Variants in ARRDC3 observed in about 807,000 individuals in gnomAD.
The protein encoded by ARRDC3 is arrestin domain containing 3.
In ARRDC3, 10 loss-of-function variants were observed where a neutral mutation model predicts 47.2. That is an observed-to-expected ratio of 0.21 (90% CI 0.13 to 0.36). The LOEUF (loss-of-function observed/expected upper bound fraction) is 0.36. Among genes scored for constraint, ARRDC3 ranks in the 10% least tolerant of loss-of-function variants. ARRDC3 has a pLI of 1.00. For synonymous variants in ARRDC3, 156 were observed against 178.3 expected (o/e 0.87, Z 1.00); for missense variants, 381 against 503.6 (o/e 0.76, Z 2.33).
At chr5:91,371,942 G>A (rs1799187148) in intron 7 of ARRDC3, among the ~76,000 whole-genome samples, 1 of 152,030 alleles carries the variant, frequency 6.6e-6, no homozygotes, top group Admixed American at 6.6e-5. Flanking sequence ...TATACAATGT[G>A]CAAACAATTT....
rs1486395021 is a variant in ARRDC3 at position 91,380,266 on chromosome 5, A to C, written c.281-1491T>G. 3.0e-4 allele frequency: 46 copies of C among 152,992 alleles called. No individual in the cohort carries two copies. In the Admixed American group the frequency reaches 3.0e-3, roughly 10 times the overall value. The allele number at this position is 152,992 out of a possible 1,614,324, so 9.5% of individuals were successfully genotyped here. The stretch of plus-strand genomic sequence containing the variant: ...GCGCGCCCCGCTATACATACGGCAT[A>C]CGTCGCGCGGCGCTCGCGCCCGTGC... On this transcript the variant is annotated intron_variant, in intron 1 of 7. Coordinates refer to ENST00000265138, the MANE Select transcript of ARRDC3 (RefSeq NM_020801.4).
At chr5:91,371,543 G>T in intron 7 of ARRDC3, 87 bp from the exon 8 acceptor site, 1 of 942,406 alleles carries the variant, frequency 1.1e-6, no homozygotes, top group Non-Finnish European at 1.6e-6. Context: ...CTGAATACTA[G>T]TCAAGAAATG....
intron 1 of ARRDC3, among the ~76,000 whole-genome samples, chr5:91,379,532 T>G (rs1799390735): frequency 6.6e-6 from 1 of 152,068 alleles, no homozygotes; most frequent in African/African-American, 2.4e-5. Context: ...AAAAATGAAG[T>G]CTAACTATTA....
At chr5:91,375,205 C>T (rs751678550) in intron 4 of ARRDC3, 27 bp from the exon 5 acceptor site, 2 of 1,582,660 alleles carry the variant, frequency 1.3e-6, no homozygotes, top group Admixed American at 3.6e-5. Flanking sequence ...ATATACATAT[C>T]TACTGTTAGA....
In ARRDC3 at chr5:91,372,990, G is replaced by T. The variant is rs1037699937; in HGVS notation, c.1188+694C>A. Among the ~76,000 whole-genome samples, 4 of 152,112 alleles carry T rather than the reference G, an allele frequency of 2.6e-5. No homozygotes were observed. The South Asian group carries it at 8.3e-4, about 31-fold the overall frequency. On this transcript the variant is annotated intron_variant, in intron 7 of 7. Coordinates refer to ENST00000265138, the MANE Select transcript of ARRDC3 (RefSeq NM_020801.4). The stretch of plus-strand genomic sequence containing the variant: ...TACACTGTTCTTCCTGCCTTTTGAG[G>T]ACTACTCATTCTTCAAAATTCAGCT...
At chr5:91,372,241 A>G (rs76332233) in intron 7 of ARRDC3, among the ~76,000 whole-genome samples, 1,630 of 152,312 alleles carry the variant, frequency 0.011, 18 homozygotes, top group Non-Finnish European at 0.015. Context: ...CTTGCATCTA[A>G]ATGTGGAACA....
intron 7 of ARRDC3, 46 bp from the exon 8 acceptor site, chr5:91,371,502 T>C (rs761330973): frequency 3.9e-5 from 57 of 1,468,588 alleles, no homozygotes; most frequent in African/African-American, 5.6e-5. Context: ...TTTCATGAGG[T>C]CTAGGAAGAA....
intron 3 of ARRDC3, among the ~76,000 whole-genome samples, chr5:91,376,356 G>A (rs1329338762): frequency 1.3e-5 from 2 of 152,032 alleles, no homozygotes; most frequent in African/African-American, 4.8e-5. Flanking sequence ...TGTTATGGCT[G>A]TCATACTCTG....
chr5:91,376,522 G>A (rs1457822021), intron 3 of ARRDC3, 99 bp downstream of exon 3: 14 of 1,063,540 alleles, frequency 1.3e-5, no homozygotes, highest in Admixed American at 1.2e-4. Flanking sequence ...AAGAAAACCA[G>A]TATTTTTAAA....
intron 1 of ARRDC3, among the ~76,000 whole-genome samples, chr5:91,382,373 A>T (rs986738855): frequency 9.9e-5 from 15 of 152,252 alleles, no homozygotes; most frequent in African/African-American, 2.4e-4. Context: ...AATGAAACAC[A>T]CCCATTAAGT....
rs2127063636 is a variant in ARRDC3, at chr5:91,369,956, T to A, written c.*1444A>T. ...TGATTTCTCATGTTTAGCAAATTGT[T>A]CTTTAGGTAATGAAAAACAGTATTC... On this transcript the variant is annotated 3_prime_UTR_variant, in exon 8 of 8. Coordinates refer to ENST00000265138, the MANE Select transcript of ARRDC3 (RefSeq NM_020801.4). The A allele has an allele frequency of 6.6e-6, 1 of 152,300 alleles. No individual in the cohort carries two copies. Among genetic ancestry groups the A allele is most frequent in the Middle Eastern group, 3.4e-3 (1 of 294 alleles). 9.4% of individuals were successfully genotyped at this position (152,300 alleles called of 1,614,324 possible).
At chr5:91,382,129 G>C (rs1185708977) in intron 1 of ARRDC3, among the ~76,000 whole-genome samples, 1 of 152,114 alleles carries the variant, frequency 6.6e-6, no homozygotes, top group African/African-American at 2.4e-5. Flanking sequence ...ATGATGCTCG[G>C]AAAAGAAAAT....
intron 1 of ARRDC3, among the ~76,000 whole-genome samples, chr5:91,379,061 A>G (rs1017618643): frequency 7.2e-5 from 11 of 152,142 alleles, no homozygotes; most frequent in African/African-American, 2.7e-4. Context: ...GCATCTGTTT[A>G]TAAAATAGTA....
chr5:91,380,090 A>C (rs886516971), intron 1 of ARRDC3: 1 of 152,202 alleles, frequency 6.6e-6, no homozygotes, highest in African/African-American at 2.4e-5. Context: ...CAGCAGTCTC[A>C]TTGAAGCGAG....
chr5:91,371,425 T>C lies in ARRDC3; in HGVS notation c.1220A>G (p.Asp407Gly), dbSNP rs770871231. ...IDPNPDQSAD[D>G]RPSCPSR ...TCAACGAGAGGGGCAGGATGGTCTA[T>C]CATCTGCTGACTGATCAGGATTTGG... Residue 407 changes from aspartate (D) to glycine (G), a missense_variant, in exon 8 of 8, where the codon GAT becomes GGT. Coordinates refer to ENST00000265138, the MANE Select transcript of ARRDC3 (RefSeq NM_020801.4). The C allele has an allele frequency of 1.2e-6, 2 of 1,613,616 alleles. No homozygotes were observed. Among genetic ancestry groups the C allele is most frequent in the Non-Finnish European group, 1.7e-6 (2 of 1,179,730 alleles).
chr5:91,372,445 T>C (rs1205263861), intron 7 of ARRDC3, among the ~76,000 whole-genome samples: 2 of 152,162 alleles, frequency 1.3e-5, no homozygotes, highest in Non-Finnish European at 2.9e-5. Context: ...TGTCATTCTT[T>C]TTAAAATGCC....
Position 91,370,812 on chromosome 5 carries a change from A to G in ARRDC3, c.*588T>C, listed in dbSNP as rs1323330197. The G allele has an allele frequency of 6.6e-6, 1 of 152,474 alleles. No individual in the cohort carries two copies. 9.4% of individuals were successfully genotyped at this position (152,474 alleles called of 1,614,324 possible). ...GTAAATAAATCCACAATTGGATCCA[A>G]GCTGAAGAGGTGATACATAGTCAGC... On this transcript the variant is annotated 3_prime_UTR_variant, in exon 8 of 8. Transcript: ENST00000265138.
In ARRDC3 at chr5:91,371,200, C is replaced by A; in HGVS notation, c.*200G>T. The stretch of plus-strand genomic sequence containing the variant: ...AGTTTTAAAAGAGAAAAGCTTAGAT[C>A]TTCAAGCATGTTGGAGCAGTCTCAG... On this transcript the variant is annotated 3_prime_UTR_variant, in exon 8 of 8. Coordinates refer to ENST00000265138, the MANE Select transcript of ARRDC3 (RefSeq NM_020801.4). 3 of 559,228 alleles carry A rather than the reference C, an allele frequency of 5.4e-6. No homozygotes were observed. Among genetic ancestry groups the A allele is most frequent in the Non-Finnish European group, 9.5e-6 (3 of 315,094 alleles). The allele number at this position is 559,228 out of a possible 1,614,324, so 34.6% of individuals were successfully genotyped here. A position where few individuals can be genotyped will look rare whatever the true frequency, so the allele number is the denominator to read the frequency against.
rs1297797739 is a variant in ARRDC3, at chr5:91,369,372, TCAA to T, written c.*2025_*2027del. The T allele has an allele frequency of 6.6e-6, 1 of 152,258 alleles. No individual in the cohort carries two copies. Among genetic ancestry groups the T allele is most frequent in the African/African-American group, 2.4e-5 (1 of 41,340 alleles). The allele number at this position is 152,258 out of a possible 1,614,324, so 9.4% of individuals were successfully genotyped here. On this transcript the variant is annotated 3_prime_UTR_variant, in exon 8 of 8. Coordinates refer to ENST00000265138, the MANE Select transcript of ARRDC3 (RefSeq NM_020801.4). ...TTGAGGGGGACATTCACAAAATGAT[TCAA>T]CAATAAAAAAATATTTCACCCCCAT...
Sources: gnomAD v4.1 joint callset for allele counts (sites outside exome capture counted in the v4.1 genomes callset) on GRCh38, gnomAD v4.1.1 for gene constraint, MANE v1.5 for transcripts, NCBI Gene and HGNC (gene_info 2026-07-23, HGNC 2026-07-21) for gene names.